The following POU2F1 variants were observed in gnomAD, a reference collection of about 807,000 sequenced individuals.
POU2F1 encodes POU class 2 homeobox 1.
Under a neutral mutation model 84.9 loss-of-function variants are expected in POU2F1, and 16 were observed. The ratio of observed to expected loss-of-function variants is 0.19; its 90% CI spans 0.13 to 0.29. The LOEUF (loss-of-function observed/expected upper bound fraction) is 0.29, where lower values mean the gene tolerates loss of function less well. Among genes scored for constraint, POU2F1 ranks in the 10% least tolerant of loss-of-function variants. POU2F1 has a pLI of 1.00. For synonymous variants in POU2F1, 368 were observed against 368.3 expected (o/e 1.00, Z 0.01); for missense variants, 738 against 942.6 (o/e 0.78, Z 2.84).
chr1:167,393,391 T>C (rs915661558), intron 9 of POU2F1, among the ~76,000 whole-genome samples: 2 of 152,238 alleles, frequency 1.3e-5, no homozygotes, highest in South Asian at 4.1e-4. Flanking sequence ...TTATTTATTA[T>C]CATGGTTCTA....
At chr1:167,286,512 A>G (rs1362493852) in intron 1 of POU2F1, among the ~76,000 whole-genome samples, 2 of 152,206 alleles carry the variant, frequency 1.3e-5, no homozygotes, top group Non-Finnish European at 2.9e-5. Flanking sequence ...CTTCAAAATT[A>G]TAGCGAAGTT....
intron 1 of POU2F1, among the ~76,000 whole-genome samples, chr1:167,233,468 A>G (rs1649219611): frequency 6.6e-6 from 1 of 152,062 alleles, no homozygotes; most frequent in African/African-American, 2.4e-5. Flanking sequence ...AATACTTACC[A>G]TTGTGTTAGG....
At chr1:167,283,878 A>G (rs914900886) in intron 1 of POU2F1, among the ~76,000 whole-genome samples, 1 of 152,218 alleles carries the variant, frequency 6.6e-6, no homozygotes, top group African/African-American at 2.4e-5. Context: ...TTAATAAATA[A>G]TAATAACAGC....
chr1:167,242,884 A>C (rs1439199204), intron 1 of POU2F1, among the ~76,000 whole-genome samples: 1 of 152,160 alleles, frequency 6.6e-6, no homozygotes. Context: ...ACTATTAATC[A>C]TACACAATGT....
chr1:167,250,658 C>T (rs960097571), intron 1 of POU2F1, among the ~76,000 whole-genome samples: 2 of 152,098 alleles, frequency 1.3e-5, no homozygotes, highest in Non-Finnish European at 2.9e-5. Context: ...CTTTAGTGGA[C>T]CCTGGAGGCA....
intron 1 of POU2F1, among the ~76,000 whole-genome samples, chr1:167,305,611 C>G (rs1655013461): frequency 6.6e-6 from 1 of 152,174 alleles, no homozygotes; most frequent in Non-Finnish European, 1.5e-5. Context: ...GAATTTTAGC[C>G]TATGCTATTC....
intron 1 of POU2F1, among the ~76,000 whole-genome samples, chr1:167,327,915 G>A (rs1463268179): frequency 6.6e-6 from 1 of 151,960 alleles, no homozygotes; most frequent in Admixed American, 6.6e-5. Flanking sequence ...GAAAGAAAGG[G>A]GTAATAATGC....
At chr1:167,406,360 G>A (rs1649574658) in intron 13 of POU2F1, among the ~76,000 whole-genome samples, 1 of 152,086 alleles carries the variant, frequency 6.6e-6, no homozygotes, top group South Asian at 2.1e-4. Context: ...AAATACAAAG[G>A]AACTGCCTCA....
chr1:167,239,827 T>C (rs1463050759), intron 1 of POU2F1, among the ~76,000 whole-genome samples: 1 of 152,134 alleles, frequency 6.6e-6, no homozygotes, highest in Non-Finnish European at 1.5e-5. Context: ...GGTTATACTT[T>C]ACACCGTACA....
chr1:167,222,106 A>G (rs908593062), intron 1 of POU2F1, among the ~76,000 whole-genome samples: 3 of 152,002 alleles, frequency 2.0e-5, no homozygotes, highest in Non-Finnish European at 4.4e-5. Flanking sequence ...AGGCCCCAGA[A>G]GCGCCCAGAG....
At position 167,293,659 on chromosome 1, in the gene POU2F1, A is replaced by G. The variant is rs577835556; in HGVS notation, c.62-38811A>G. On this transcript the variant is annotated intron_variant, in intron 1 of 15. Transcript: ENST00000367866. ...CTCAGGTAGCCAAAGGTAATTGTAAACAAAAAGAACAAATCTGGAGGCATC... is the reference window on the plus strand; with the variant it reads ...CTCAGGTAGCCAAAGGTAATTGTAAGCAAAAAGAACAAATCTGGAGGCATC... Among the ~76,000 whole-genome samples, 4 of 152,308 alleles carry G rather than the reference A, an allele frequency of 2.6e-5. No homozygotes were observed. The East Asian group carries it at 7.7e-4, about 29-fold the overall frequency.
At chr1:167,285,509 G>A (rs1653464446) in intron 1 of POU2F1, among the ~76,000 whole-genome samples, 1 of 151,818 alleles carries the variant, frequency 6.6e-6, no homozygotes, top group African/African-American at 2.4e-5. Flanking sequence ...GGAGAATGGC[G>A]TGAACCCCGG....
At chr1:167,256,570 T>G (rs1481689965) in intron 1 of POU2F1, among the ~76,000 whole-genome samples, 1 of 152,176 alleles carries the variant, frequency 6.6e-6, no homozygotes, top group Non-Finnish European at 1.5e-5. Flanking sequence ...TGAGGTTAAG[T>G]GAGTAACTGA....
intron 1 of POU2F1, among the ~76,000 whole-genome samples, chr1:167,256,316 A>G (rs1651129789): frequency 6.6e-6 from 1 of 151,804 alleles, no homozygotes; most frequent in African/African-American, 2.4e-5. Flanking sequence ...AGTGTCAGAA[A>G]TGAACTCTAC....
At chr1:167,354,309 T>A (rs1003618308) in intron 2 of POU2F1, among the ~76,000 whole-genome samples, 3 of 152,126 alleles carry the variant, frequency 2.0e-5, no homozygotes, top group Non-Finnish European at 1.5e-5. Flanking sequence ...TTATTTATTT[T>A]TTGACAGAGT....
At chr1:167,308,319 G>A (rs1222971762) in intron 1 of POU2F1, among the ~76,000 whole-genome samples, 3 of 151,870 alleles carry the variant, frequency 2.0e-5, no homozygotes, top group African/African-American at 2.4e-5. Context: ...CGCCTGCCTC[G>A]GCCTCCCAAA....
chr1:167,396,457 C>A, intron 10 of POU2F1, 30 bp downstream of exon 10: 1 of 1,593,904 alleles, frequency 6.3e-7, no homozygotes, highest in East Asian at 2.2e-5. Flanking sequence ...ATTTCTTTGT[C>A]ATTCATTGGA....
intron 1 of POU2F1, among the ~76,000 whole-genome samples, chr1:167,312,878 C>G (rs1203369257): frequency 6.6e-6 from 1 of 152,182 alleles, no homozygotes; most frequent in African/African-American, 2.4e-5. Flanking sequence ...TTTAGAAATA[C>G]TTGTTAGAAA....
At chr1:167,282,171 C>T (rs1458470386) in intron 1 of POU2F1, among the ~76,000 whole-genome samples, 2 of 150,062 alleles carry the variant, frequency 1.3e-5, no homozygotes, top group Admixed American at 1.3e-4. Context: ...TGAGACGAGT[C>T]TCGCTCTGTC....
Sources: gnomAD v4.1 joint callset for allele counts (sites outside exome capture counted in the v4.1 genomes callset) on GRCh38, gnomAD v4.1.1 for gene constraint, MANE v1.5 for transcripts, NCBI Gene and HGNC (gene_info 2026-07-23, HGNC 2026-07-21) for gene names.